RGS12: variants seen among roughly 807,000 people sequenced by gnomAD.
RGS12 encodes regulator of G-protein signaling 12.
Under a neutral mutation model 120.1 loss-of-function variants are expected in RGS12, and 66 were observed. That is an observed-to-expected ratio of 0.55 (90% confidence interval 0.45 to 0.67). The LOEUF (loss-of-function observed/expected upper bound fraction) is 0.67, where lower values mean the gene tolerates loss of function less well. Ranked by LOEUF, RGS12 falls within the 30% of genes least tolerant of loss-of-function variation. RGS12 has a pLI of 0.00. For synonymous variants in RGS12, 827 were observed against 804.7 expected, an observed-to-expected ratio of 1.03 and a Z score of -0.47; for missense variants, 1,859 against 1,957.7, an observed-to-expected ratio of 0.95 and a Z score of 0.95.
chr4:3,298,562 CT>C (rs1560636607), intron 1 of RGS12, among the ~76,000 whole-genome samples: 3 of 152,254 alleles, frequency 2.0e-5, no homozygotes, highest in African/African-American at 4.8e-5. Context: ...CATGTTGCCC[CT>C]TTGCTGTTTC....
At chr4:3,421,497 G>A (rs114993990) in intron 10 of RGS12, among the ~76,000 whole-genome samples, 88 of 152,348 alleles carry the variant, frequency 5.8e-4, no homozygotes, top group African/African-American at 1.9e-3. Flanking sequence ...TGTCTGGGTC[G>A]CCTGGGTGGT....
intron 3 of RGS12, among the ~76,000 whole-genome samples, chr4:3,349,795 C>T (rs1434125777): frequency 6.6e-6 from 1 of 152,068 alleles, no homozygotes; most frequent in Non-Finnish European, 1.5e-5. Flanking sequence ...TATATTTAGT[C>T]CTTCTCTAAA....
At chr4:3,322,225 C>G (rs1045010868) in intron 2 of RGS12, among the ~76,000 whole-genome samples, 1 of 152,190 alleles carries the variant, frequency 6.6e-6, no homozygotes, top group African/African-American at 2.4e-5. Context: ...CACGTGGTGA[C>G]CTTGTGCCAG....
At chr4:3,367,436 T>G (rs1242363894) in intron 3 of RGS12, among the ~76,000 whole-genome samples, 2 of 152,230 alleles carry the variant, frequency 1.3e-5, no homozygotes, top group African/African-American at 4.8e-5. Flanking sequence ...CATGCATGTG[T>G]TGGTGAAGGG....
intron 2 of RGS12, chr4:3,324,901 A>G (rs945496209): frequency 3.3e-5 from 5 of 152,226 alleles, no homozygotes; most frequent in Admixed American, 6.5e-5. Flanking sequence ...TTGTATCTTA[A>G]TAGACCATAA....
At chr4:3,434,456 G>A (rs531326106) in intron 17 of RGS12, among the ~76,000 whole-genome samples, 36 of 152,200 alleles carry the variant, frequency 2.4e-4, no homozygotes, top group African/African-American at 7.7e-4. Context: ...GGCATGTGTC[G>A]GTGTGTGCAC....
At chr4:3,420,486 C>A in intron 9 of RGS12, 156 bp from the exon 10 acceptor site, 1 of 727,456 alleles carries the variant, frequency 1.4e-6, no homozygotes, top group Non-Finnish European at 2.4e-6. Context: ...TGTGACTCGT[C>A]TCCACCAGAG....
At chr4:3,380,737 G>A (rs892865366) in intron 3 of RGS12, among the ~76,000 whole-genome samples, 1 of 152,152 alleles carries the variant, frequency 6.6e-6, no homozygotes, top group African/African-American at 2.4e-5. Flanking sequence ...TGGGATTCAG[G>A]GCACCATGTC....
At chr4:3,419,111 A>G (rs1207287775) in intron 9 of RGS12, 1 of 151,934 alleles carries the variant, frequency 6.6e-6, no homozygotes. Context: ...TGGGCAGATC[A>G]ACTGAGGTCA....
intron 9 of RGS12, chr4:3,417,747 T>C: frequency 1.7e-6 from 1 of 581,414 alleles, no homozygotes; most frequent in East Asian, 2.9e-5. Context: ...GCAGCAGGGC[T>C]GCTCCAGAAT....
chr4:3,318,599 A>C (rs769768667), intron 2 of RGS12, among the ~76,000 whole-genome samples: 2 of 152,184 alleles, frequency 1.3e-5, no homozygotes, highest in Non-Finnish European at 2.9e-5. Flanking sequence ...CTGCTCACTG[A>C]GGGGTACCTC....
chr4:3,387,134 C>T (rs1176333011), intron 4 of RGS12, among the ~76,000 whole-genome samples: 8 of 152,182 alleles, frequency 5.3e-5, no homozygotes, highest in African/African-American at 1.7e-4. Context: ...CGGGTTTCAT[C>T]GTCACCTCAC....
chr4:3,425,042 C>A (rs980046638), intron 13 of RGS12, among the ~76,000 whole-genome samples: 15 of 152,252 alleles, frequency 9.9e-5, no homozygotes, highest in Admixed American at 9.8e-4. Flanking sequence ...ACAAGAACTC[C>A]AGCCCGGTGG....
chr4:3,289,801 A>C (rs1180037950), upstream of RGS12, among the ~76,000 whole-genome samples: 2 of 152,164 alleles, frequency 1.3e-5, no homozygotes, highest in Admixed American at 6.5e-5. Context: ...CCCTTTGACC[A>C]ATGTCTCCCC....
intron 3 of RGS12, among the ~76,000 whole-genome samples, chr4:3,343,622 C>T (rs927032198): frequency 6.6e-6 from 1 of 151,708 alleles, no homozygotes; most frequent in African/African-American, 2.4e-5. Flanking sequence ...AGCTTAGGTC[C>T]GCAGCTCACA....
At position 3,422,541 on chromosome 4, in the gene RGS12, G is replaced by A. The variant is rs780994392; in HGVS notation, c.3004G>A (p.Ala1002Thr). The A allele has an allele frequency of 6.8e-6, 11 of 1,612,502 alleles. No homozygotes were observed. Among genetic ancestry groups the A allele is most frequent in the Non-Finnish European group, 8.5e-6 (10 of 1,179,954 alleles). ...GCGGCATGGCATCAACGGGGCGGCCGCGGACCTCTTCCTGGTGGGCGGGGA... is the reference window on the plus strand; with the variant it reads ...GCGGCATGGCATCAACGGGGCGGCCACGGACCTCTTCCTGGTGGGCGGGGA... ...CERHGINGAAADLFLVGGDKP... is the reference protein window; with the variant it reads ...CERHGINGAATDLFLVGGDKP... Residue 1002 changes from alanine (A) to threonine (T), a missense_variant, in exon 11 of 18, where the codon GCG (alanine) becomes ACG (threonine). Ala to Thr is a moderately conservative substitution (Grantham distance 58, BLOSUM62 0). Coordinates refer to ENST00000336727, the MANE Select transcript of RGS12 (RefSeq NM_001394154.1).
intron 1 of RGS12, among the ~76,000 whole-genome samples, chr4:3,315,425 C>T (rs961391525): frequency 6.6e-6 from 1 of 152,162 alleles, no homozygotes; most frequent in African/African-American, 2.4e-5. Context: ...TTTATCTAGC[C>T]TGTTGAGTGG....
In RGS12 at chr4:3,317,533, A is replaced by G; in HGVS notation, c.1363A>G (p.Ser455Gly). The change falls in exon 2 of 18, where the codon AGC becomes GGC. Residue 455 changes from serine to glycine, a missense_variant. By Grantham distance (56) the Ser-to-Gly change is moderately conservative (BLOSUM62 0). Coordinates refer to ENST00000336727, the MANE Select transcript of RGS12 (RefSeq NM_001394154.1). ...GSSSRHGPGG[S>G]AWDGVGGRGA... is the part of the protein sequence containing the mutation. The stretch of plus-strand genomic sequence containing the variant: ...CTCGAGCAGACACGGCCCCGGAGGC[A>G]GCGCGTGGGACGGTGTGGGTGGGAG... 6.2e-7 allele frequency: 1 copy of G among 1,611,150 alleles called. No individual in the cohort carries two copies. The highest frequency in any genetic ancestry group is 8.5e-7 in the Non-Finnish European group (1 of 1,179,774).
At chr4:3,322,664 T>C (rs1006419947) in intron 2 of RGS12, among the ~76,000 whole-genome samples, 7 of 152,236 alleles carry the variant, frequency 4.6e-5, no homozygotes, top group African/African-American at 1.7e-4. Flanking sequence ...CAATGGATTT[T>C]GGAAATTTTA....
Sources: gnomAD v4.1 joint callset for allele counts (sites outside exome capture counted in the v4.1 genomes callset) on GRCh38, gnomAD v4.1.1 for gene constraint, MANE v1.5 for transcripts, NCBI Gene and HGNC (gene_info 2026-07-23, HGNC 2026-07-21) for gene names.